Variants in CYLC1 observed in about 807,000 individuals in gnomAD.
The protein encoded by CYLC1 is cylicin 1, also known as cylicin-1.
CYLC1 carries 2 observed loss-of-function variants against 31.6 expected under a neutral mutation model. That is an observed-to-expected ratio of 0.06 (90% confidence interval 0.03 to 0.20). The LOEUF (loss-of-function observed/expected upper bound fraction) is 0.20, where lower values mean the gene tolerates loss of function less well. Ranked by LOEUF, CYLC1 falls within the 10% of genes least tolerant of loss-of-function variation. The pLI, the probability that CYLC1 is intolerant of heterozygous loss-of-function variation, is 1.00. For synonymous variants in CYLC1, 185 were observed against 153.0 expected (o/e 1.21, Z -1.54); for missense variants, 595 against 424.1 (o/e 1.40, Z -3.54).
At chrX:83,877,351 C>G (rs1300090454) in intron 4 of CYLC1, among the ~76,000 whole-genome samples, 1 of 111,241 alleles carries the variant, frequency 9.0e-6, no homozygotes, top group Non-Finnish European at 1.9e-5. Context: ...TGGGCTCAAG[C>G]AATCTTCCAG....
intron 4 of CYLC1, among the ~76,000 whole-genome samples, chrX:83,880,005 C>T (rs2031886773): frequency 9.0e-6 from 1 of 111,411 alleles, no homozygotes; most frequent in South Asian, 3.7e-4. Flanking sequence ...GAATGTTTGT[C>T]GTGCCATACG....
intron 1 of CYLC1, among the ~76,000 whole-genome samples, chrX:83,862,313 C>T (rs773911345): frequency 2.9e-4 from 31 of 105,809 alleles, no homozygotes; most frequent in Non-Finnish European, 4.8e-4. Context: ...GGGTGGATCA[C>T]GAAGTCAGGA....
chrX:83,877,189 C>T (rs754647727), intron 4 of CYLC1, among the ~76,000 whole-genome samples: 3 of 111,343 alleles, frequency 2.7e-5, no homozygotes, highest in Non-Finnish European at 5.7e-5. Context: ...AATCCATCAG[C>T]AAGACTTGTT....
chrX:83,865,358 T>A (rs972315633), intron 1 of CYLC1, among the ~76,000 whole-genome samples: 13 of 111,316 alleles, frequency 1.2e-4, no homozygotes, highest in Non-Finnish European at 2.3e-4. Context: ...CACCAAATCC[T>A]ATAGGGCTTA....
chrX:83,869,267 G>T (rs989202233), intron 1 of CYLC1, among the ~76,000 whole-genome samples: 5 of 110,443 alleles, frequency 4.5e-5, no homozygotes, highest in African/African-American at 1.6e-4. Flanking sequence ...TGGTATATAG[G>T]TAAACTTGTG....
chrX:83,881,108 G>C (rs1569336571), intron 4 of CYLC1, among the ~76,000 whole-genome samples: 1 of 108,733 alleles, frequency 9.2e-6, no homozygotes, highest in Non-Finnish European at 1.9e-5. Flanking sequence ...TTGATTCACT[G>C]TTGCTATTCA....
chrX:83,879,160 C>T (rs1371930862), intron 4 of CYLC1, among the ~76,000 whole-genome samples: 1 of 110,317 alleles, frequency 9.1e-6, no homozygotes, highest in Non-Finnish European at 1.9e-5. Flanking sequence ...TATATATAAT[C>T]TTTATTAACA....
Position 83,861,219 on chromosome X carries a change from T to A in CYLC1, c.17+20T>A. 8.8e-7 allele frequency: 1 copy of A among 1,138,241 alleles called. No homozygotes were observed. Among genetic ancestry groups the A allele is most frequent in the Non-Finnish European group, 1.2e-6 (1 of 836,510 alleles). 93.8% of individuals were successfully genotyped at this position (1,138,241 alleles called of 1,213,427 possible). ...AAGGTTGTAAGTCCTCTTTTTAATATTTTTTTAGTATTTTAAATAGCCAAT... is the reference window on the plus strand; with the variant it reads ...AAGGTTGTAAGTCCTCTTTTTAATAATTTTTTAGTATTTTAAATAGCCAAT... On this transcript the variant is annotated intron_variant, in intron 1 of 4. Transcript: ENST00000329312.
At chrX:83,886,477 C>T (rs2031984518) in intron 4 of CYLC1, 75 bp from the exon 5 acceptor site, 2 of 962,477 alleles carry the variant, frequency 2.1e-6, no homozygotes, top group East Asian at 6.2e-5. Flanking sequence ...TGATCCTTAA[C>T]ACATCATAGT....
intron 3 of CYLC1, among the ~76,000 whole-genome samples, chrX:83,872,455 G>A (rs2031679062): frequency 9.1e-6 from 1 of 110,016 alleles, no homozygotes; most frequent in Non-Finnish European, 1.9e-5. Context: ...ACTATTACAG[G>A]AACTGTCATA....
chrX:83,874,598 T>C lies in CYLC1; in HGVS notation c.1890T>C (p.Pro630=), dbSNP rs1167430663. Residue 630 remains proline, a synonymous_variant, in exon 4 of 5, where the codon CCT becomes CCC. Transcript: ENST00000329312. ...GACGTCTTTGTTGGTGCAAGATGCC[T>C]CCTCCACCTCCAAAACCAAGATATG... ...KVRRLCWCKM[P]PPPPKPRYAP... The C allele has an allele frequency of 2.5e-6, 3 of 1,199,131 alleles. No individual in the cohort carries two copies. Among genetic ancestry groups the C allele is most frequent in the Non-Finnish European group, 3.4e-6 (3 of 890,651 alleles).
intron 1 of CYLC1, among the ~76,000 whole-genome samples, chrX:83,864,379 C>CA (rs1044547750): frequency 9.1e-6 from 1 of 110,381 alleles, no homozygotes; most frequent in Non-Finnish European, 1.9e-5. Context: ...CATCAGTGTT[C>CA]AAAAAAAGTA....
chrX:83,865,503 C>A (rs1447151059), intron 1 of CYLC1, among the ~76,000 whole-genome samples: 4 of 111,942 alleles, frequency 3.6e-5, no homozygotes, highest in Non-Finnish European at 5.6e-5. Flanking sequence ...GCCTCTGTAA[C>A]AAATTACCAT....
Position 83,874,162 on chromosome X carries a change from A to T in CYLC1, c.1454A>T (p.Glu485Val). 8.3e-7 allele frequency: 1 copy of T among 1,203,848 alleles called. No individual in the cohort carries two copies. Among genetic ancestry groups the T allele is most frequent in the Non-Finnish European group, 1.1e-6 (1 of 891,967 alleles). ...KDAKKNAESTEMESDLELKKD... is the reference protein window; with the variant it reads ...KDAKKNAESTVMESDLELKKD... ...GCAAAGAAAAATGCAGAATCTACTG[A>T]AATGGAATCTGATTTGGAGTTAAAG... Residue 485 changes from glutamate (E) to valine (V), a missense_variant, in exon 4 of 5, where the codon GAA becomes GTA. Physicochemically the swap from Glu to Val is moderately radical, Grantham distance 121 (BLOSUM62 -2). Transcript: ENST00000329312.
chrX:83,874,673 A>G (rs2031734890), intron 4 of CYLC1, 42 bp downstream of exon 4: 27 of 1,096,276 alleles, frequency 2.5e-5, no homozygotes, highest in Non-Finnish European at 3.1e-5. Context: ...AAATGGATAT[A>G]AAATGAAAGA....
intron 1 of CYLC1, among the ~76,000 whole-genome samples, chrX:83,862,508 A>C (rs1927009540): frequency 9.0e-6 from 1 of 111,456 alleles, no homozygotes; most frequent in Non-Finnish European, 1.9e-5. Context: ...GCGCCACTGC[A>C]CTCCCGCCTG....
chrX:83,879,308 G>T (rs1261090991), intron 4 of CYLC1, among the ~76,000 whole-genome samples: 1 of 110,407 alleles, frequency 9.1e-6, no homozygotes, highest in African/African-American at 3.3e-5. Flanking sequence ...GCAGCCTGGG[G>T]TCCATTTTTC....
At chrX:83,878,332 T>A (rs867508299) in intron 4 of CYLC1, among the ~76,000 whole-genome samples, 3 of 4,889 alleles carry the variant, frequency 6.1e-4, no homozygotes, top group Non-Finnish European at 8.4e-4. Flanking sequence ...AATATATAAA[T>A]ATATATATAA....
At chrX:83,881,389 T>C (rs2031904680) in intron 4 of CYLC1, among the ~76,000 whole-genome samples, 1 of 110,697 alleles carries the variant, frequency 9.0e-6, no homozygotes, top group Non-Finnish European at 1.9e-5. Context: ...AGGTGAGCTG[T>C]AATTTCAAAT....
Sources: gnomAD v4.1 joint callset for allele counts (sites outside exome capture counted in the v4.1 genomes callset) on GRCh38, gnomAD v4.1.1 for gene constraint, MANE v1.5 for transcripts, NCBI Gene and HGNC (gene_info 2026-07-23, HGNC 2026-07-21) for gene names.